Variants in DNAJC2 observed in about 807,000 individuals in gnomAD.
The protein encoded by DNAJC2 is DnaJ heat shock protein family (Hsp40) member C2.
Under a neutral mutation model 94.0 loss-of-function variants are expected in DNAJC2, and 32 were observed. That is an observed-to-expected ratio of 0.34 (90% CI 0.26 to 0.46). DNAJC2 has a LOEUF of 0.46. Ranked by LOEUF, DNAJC2 falls within the 20% of genes least tolerant of loss-of-function variation. The pLI is 1.00. For synonymous variants in DNAJC2, 210 were observed against 229.7 expected (o/e 0.91, Z 0.77); for missense variants, 550 against 719.5 (o/e 0.76, Z 2.69).
chr7:103,331,953 CTAAT>C (rs1367100082), intron 3 of DNAJC2, among the ~76,000 whole-genome samples: 1 of 151,748 alleles, frequency 6.6e-6, no homozygotes, highest in Non-Finnish European at 1.5e-5. Flanking sequence ...AGTGGCTATG[CTAAT>C]TTAGATTCCT....
intron 3 of DNAJC2, among the ~76,000 whole-genome samples, chr7:103,333,090 T>A (rs961185746): frequency 1.3e-5 from 2 of 151,116 alleles, no homozygotes. Context: ...AACATTTCCT[T>A]TGAAGTGTCA....
At position 103,313,038 on chromosome 7, in the gene DNAJC2, T is replaced by C. The variant is rs773102991; in HGVS notation, c.1700A>G (p.Lys567Arg). The C allele has an allele frequency of 6.2e-7, 1 of 1,614,090 alleles. No individual in the cohort carries two copies. Among genetic ancestry groups the C allele is most frequent in the Non-Finnish European group, 8.5e-7 (1 of 1,179,964 alleles). The change falls in exon 16 of 17, where the codon AAA (lysine) becomes AGA (arginine). Residue 567 changes from lysine (K) to arginine (R), a missense_variant. By Grantham distance (26) the Lys-to-Arg change is conservative. Around this residue, in one of 2 missense-constraint regions of DNAJC2, gnomAD observed 271 missense variants for 302.6 expected, o/e 0.90. Coordinates refer to ENST00000379263, the MANE Select transcript of DNAJC2 (RefSeq NM_014377.3). ...TTCAGGTGTATTTACTGGGTATGTT[T>C]TCAAAGCTTGTTCCAAAAGCTTCTG... ...EEQKLLEQALKTYPVNTPERW... is the reference protein window; with the variant it reads ...EEQKLLEQALRTYPVNTPERW...
chr7:103,323,562 T>A (rs1450670541), intron 7 of DNAJC2, 36 bp downstream of exon 7: 3 of 1,428,558 alleles, frequency 2.1e-6, no homozygotes, highest in Non-Finnish European at 2.8e-6. Flanking sequence ...GAGAACCAAA[T>A]AAATACCTTC....
chr7:103,333,200 A>T (rs1819042028), intron 3 of DNAJC2, among the ~76,000 whole-genome samples: 1 of 152,152 alleles, frequency 6.6e-6, no homozygotes, highest in African/African-American at 2.4e-5. Flanking sequence ...CCAGTTTGGG[A>T]TACTGTCTTA....
chr7:103,341,617 C>T (rs1248518774), intron 2 of DNAJC2, 147 bp downstream of exon 2: 5 of 592,232 alleles, frequency 8.4e-6, no homozygotes, highest in Non-Finnish European at 1.4e-5. Context: ...AGTGCTAATG[C>T]TCTCAAGACT....
chr7:103,316,336 A>G (rs1163243830), intron 13 of DNAJC2: 1 of 317,832 alleles, frequency 3.1e-6, no homozygotes, highest in African/African-American at 2.2e-5. Flanking sequence ...GTACAAATCA[A>G]CATAAATAAA....
intron 10 of DNAJC2, among the ~76,000 whole-genome samples, chr7:103,320,496 T>C (rs1334710469): frequency 1.3e-5 from 2 of 152,010 alleles, no homozygotes; most frequent in African/African-American, 2.4e-5. Context: ...CAAGTTAATA[T>C]TCTAAAACTG....
chr7:103,317,038 G>T (rs777016267), intron 12 of DNAJC2, 24 bp from the exon 13 acceptor site: 1 of 1,596,254 alleles, frequency 6.3e-7, no homozygotes, highest in Admixed American at 1.7e-5. Flanking sequence ...ATAAGTCAGG[G>T]ACTTAGAAGT....
At position 103,344,709 on chromosome 7, in the gene DNAJC2, T is replaced by C. The variant is rs190931938; in HGVS notation, c.-87A>G. The C allele has an allele frequency of 2.8e-6, 4 of 1,408,346 alleles. No homozygotes were observed. The highest frequency in any genetic ancestry group is 2.8e-5 in the African/African-American group (2 of 71,166). The allele number at this position is 1,408,346 out of a possible 1,614,324, so 87.2% of individuals were successfully genotyped here. The stretch of plus-strand genomic sequence containing the variant: ...GGTCCCCTCCAGCTCTACCTCTCAC[T>C]CCGAGCCTCGCGCCTTGGCTCTAAG... On this transcript the variant is annotated 5_prime_UTR_variant, in exon 1 of 17. Coordinates refer to ENST00000379263, the MANE Select transcript of DNAJC2 (RefSeq NM_014377.3).
chr7:103,328,932 A>C, intron 3 of DNAJC2: 1 of 1,054,352 alleles, frequency 9.5e-7, no homozygotes. Context: ...TCTTCTTAGG[A>C]TATAATCACA....
chr7:103,317,009 T>C lies in DNAJC2; in HGVS notation c.1248A>G (p.Glu416=). The change falls in exon 13 of 17, where the codon GAA becomes GAG. Residue 416 remains glutamate, a synonymous_variant. Coordinates refer to ENST00000379263, the MANE Select transcript of DNAJC2 (RefSeq NM_014377.3). ...CTTTTCTGATTTGCTCATTTATTTC[T>C]TCTATCTGCACAAATATCATAAGTC... ...VGKAALEKQI[E]EINEQIRKEK... is the part of the protein sequence containing the mutation. 1 of 1,612,720 alleles carries C rather than the reference T, an allele frequency of 6.2e-7. No individual in the cohort carries two copies. The highest frequency in any genetic ancestry group is 8.5e-7 in the Non-Finnish European group (1 of 1,179,660).
At chr7:103,341,285 A>G (rs1164790623) in intron 2 of DNAJC2, among the ~76,000 whole-genome samples, 4 of 152,202 alleles carry the variant, frequency 2.6e-5, no homozygotes. Context: ...ATGGTATCTT[A>G]CTGTCCCAAA....
Position 103,322,602 on chromosome 7 carries a change from T to C in DNAJC2, c.842A>G (p.Lys281Arg), listed in dbSNP as rs1818480603. The C allele has an allele frequency of 6.2e-7, 1 of 1,612,618 alleles. No homozygotes were observed. The highest frequency in any genetic ancestry group is 1.3e-5 in the African/African-American group (1 of 74,844). ...GGCTTTTTCTTCTTCCTTGAACTTT[T>C]TTATCCTTGGATCACAGCTGTATGC... is the stretch of plus-strand genomic sequence containing the variant. ...DNAYSCDPRIKKFKEEEKAKK... is the reference protein window; with the variant it reads ...DNAYSCDPRIRKFKEEEKAKK... The change falls in exon 9 of 17, where the codon AAA (lysine) becomes AGA (arginine). Residue 281 changes from lysine (K) to arginine (R), a missense_variant. By Grantham distance (26) the Lys-to-Arg change is conservative. Coordinates refer to ENST00000379263, the MANE Select transcript of DNAJC2 (RefSeq NM_014377.3).
intron 2 of DNAJC2, among the ~76,000 whole-genome samples, chr7:103,338,806 A>G (rs1051058366): frequency 3.3e-5 from 5 of 152,018 alleles, no homozygotes; most frequent in Non-Finnish European, 7.4e-5. Context: ...GCTACTCGGG[A>G]GGCTGAGGCA....
chr7:103,322,135 GT>G, intron 9 of DNAJC2, 54 bp from the exon 10 acceptor site: 1 of 1,307,284 alleles, frequency 7.6e-7, no homozygotes, highest in Non-Finnish European at 1.0e-6. Context: ...ATTCCTAAAT[GT>G]TTTATAATTT....
intron 1 of DNAJC2, among the ~76,000 whole-genome samples, chr7:103,343,086 G>T (rs141829388): frequency 6.6e-6 from 1 of 151,668 alleles, no homozygotes; most frequent in African/African-American, 2.4e-5. Context: ...TGCAACCTCC[G>T]CCTCCCGGGT....
chr7:103,314,534 A>G (rs1279621165), intron 15 of DNAJC2: 2 of 985,248 alleles, frequency 2.0e-6, no homozygotes, highest in East Asian at 1.1e-4. Flanking sequence ...CCCCTAAGAA[A>G]GAGCTGAGAC....
chr7:103,331,818 G>C (rs1209165764), intron 3 of DNAJC2, among the ~76,000 whole-genome samples: 2 of 152,164 alleles, frequency 1.3e-5, no homozygotes, highest in African/African-American at 4.8e-5. Flanking sequence ...AAAAACATGG[G>C]AGTGCAGGTA....
chr7:103,337,928 A>G, intron 2 of DNAJC2, 117 bp from the exon 3 acceptor site: 1 of 719,950 alleles, frequency 1.4e-6, no homozygotes, highest in South Asian at 1.7e-5. Flanking sequence ...GGAGTCCAGT[A>G]AGAGGTTCTG....
Sources: allele counts gnomAD v4.1 joint callset (sites outside exome capture counted in the v4.1 genomes callset), GRCh38; gene constraint gnomAD v4.1.1; regional missense constraint gnomAD v4.1.1; transcripts MANE v1.5; gene names NCBI Gene and HGNC (gene_info 2026-07-23, HGNC 2026-07-21).